Variants in KIAA1217 observed in about 807,000 individuals in gnomAD.
KIAA1217 encodes KIAA1217.
A neutral mutation model predicts 163.9 loss-of-function variants in KIAA1217; 88 were observed. The observed-to-expected ratio is 0.54, with a 90% confidence interval of 0.45 to 0.64. KIAA1217 has a LOEUF of 0.64. KIAA1217 is among the 30% of genes least tolerant of loss of function. The pLI is 0.00. For missense variants in KIAA1217, 2,372 were observed against 2,475.0 expected, an observed-to-expected ratio of 0.96 and a Z score of 0.88; for synonymous variants, 903 against 923.1, an observed-to-expected ratio of 0.98 and a Z score of 0.39.
At chr10:24,079,921 C>T (rs1425463052) in intron 2 of KIAA1217, among the ~76,000 whole-genome samples, 1 of 152,174 alleles carries the variant, frequency 6.6e-6, no homozygotes, top group African/African-American at 2.4e-5. Flanking sequence ...CCTGGCACAT[C>T]CAAGACTGGC....
intron 2 of KIAA1217, among the ~76,000 whole-genome samples, chr10:24,340,917 T>C (rs2047008437): frequency 6.6e-6 from 1 of 152,218 alleles, no homozygotes; most frequent in South Asian, 2.1e-4. Flanking sequence ...GGAATATTCT[T>C]TGAATGTGTG....
At chr10:24,175,268 T>G (rs188435535) in intron 2 of KIAA1217, among the ~76,000 whole-genome samples, 29 of 152,346 alleles carry the variant, frequency 1.9e-4, no homozygotes, top group Non-Finnish European at 2.9e-5. Context: ...TAGCTCCTTA[T>G]AGTTTAGCAT....
chr10:24,196,794 G>T (rs894619102), intron 2 of KIAA1217, among the ~76,000 whole-genome samples: 1 of 152,198 alleles, frequency 6.6e-6, no homozygotes, highest in African/African-American at 2.4e-5. Flanking sequence ...GGTGCGTAGA[G>T]ACAGGGCCGA....
At chr10:24,489,838 T>C (rs1429758497) in intron 6 of KIAA1217, among the ~76,000 whole-genome samples, 2 of 112,468 alleles carry the variant, frequency 1.8e-5, no homozygotes, top group Non-Finnish European at 3.3e-5. Flanking sequence ...TATTCCAGCC[T>C]GGGAACAGAG....
intron 1 of KIAA1217, among the ~76,000 whole-genome samples, chr10:23,971,150 G>A (rs1845298649): frequency 6.6e-6 from 1 of 152,168 alleles, no homozygotes; most frequent in East Asian, 1.9e-4. Context: ...ACAGTGGCCT[G>A]CCCGCCCTTG....
intron 1 of KIAA1217, among the ~76,000 whole-genome samples, chr10:23,917,498 G>A: frequency 6.6e-6 from 1 of 152,214 alleles, no homozygotes; most frequent in Non-Finnish European, 1.5e-5. Context: ...GACTGATGTG[G>A]GAGCAGCGGC....
At chr10:23,849,344 G>C (rs554329419) in intron 1 of KIAA1217, among the ~76,000 whole-genome samples, 1 of 152,188 alleles carries the variant, frequency 6.6e-6, no homozygotes, top group Non-Finnish European at 1.5e-5. Context: ...GGATGTAGCA[G>C]AGCTTCAATA....
intron 1 of KIAA1217, among the ~76,000 whole-genome samples, chr10:23,955,215 C>T (rs1292352785): frequency 6.6e-6 from 1 of 152,192 alleles, no homozygotes; most frequent in South Asian, 2.1e-4. Context: ...TGACTGGCTC[C>T]AGAGTCCAAG....
At chr10:24,196,385 A>G (rs1360018352) in intron 2 of KIAA1217, among the ~76,000 whole-genome samples, 1 of 152,162 alleles carries the variant, frequency 6.6e-6, no homozygotes, top group African/African-American at 2.4e-5. Flanking sequence ...AATTTTCCTG[A>G]TTTCTGTTTT....
intron 1 of KIAA1217, among the ~76,000 whole-genome samples, chr10:23,772,281 T>C (rs767760281): frequency 6.6e-6 from 1 of 152,238 alleles, no homozygotes; most frequent in Non-Finnish European, 1.5e-5. Flanking sequence ...AAAATTTTTA[T>C]GCATTAGACT....
At chr10:23,740,844 C>T (rs553205664) in intron 1 of KIAA1217, among the ~76,000 whole-genome samples, 3 of 152,172 alleles carry the variant, frequency 2.0e-5, no homozygotes, top group Admixed American at 6.5e-5. Flanking sequence ...AGGAGAATTG[C>T]TTGAACCAGG....
intron 2 of KIAA1217, among the ~76,000 whole-genome samples, chr10:24,102,130 A>C (rs931498188): frequency 6.6e-6 from 1 of 152,218 alleles, no homozygotes; most frequent in Non-Finnish European, 1.5e-5. Context: ...TGACATGATT[A>C]TCTACATAGA....
chr10:24,130,298 T>C (rs1285244627), intron 2 of KIAA1217, among the ~76,000 whole-genome samples: 1 of 152,196 alleles, frequency 6.6e-6, no homozygotes, highest in East Asian at 1.9e-4. Flanking sequence ...TAGCTTCAAA[T>C]GTATTATATA....
chr10:24,165,924 T>G (rs1564778635), intron 2 of KIAA1217, among the ~76,000 whole-genome samples: 1 of 152,142 alleles, frequency 6.6e-6, no homozygotes, highest in Non-Finnish European at 1.5e-5. Context: ...GTGGCCAAGG[T>G]GACAAGACAG....
At chr10:24,353,328 A>G (rs1258775989) in intron 2 of KIAA1217, among the ~76,000 whole-genome samples, 3 of 152,186 alleles carry the variant, frequency 2.0e-5, no homozygotes, top group Non-Finnish European at 4.4e-5. Context: ...TCTTTCAAAC[A>G]TATTTCTCAT....
intron 1 of KIAA1217, among the ~76,000 whole-genome samples, chr10:23,779,549 C>A (rs1835163389): frequency 6.6e-6 from 1 of 152,170 alleles, no homozygotes; most frequent in Non-Finnish European, 1.5e-5. Context: ...ACCACAAATT[C>A]TACGATGAAC....
chr10:23,878,812 T>G (rs1232402909), intron 1 of KIAA1217, among the ~76,000 whole-genome samples: 1 of 151,828 alleles, frequency 6.6e-6, no homozygotes, highest in Admixed American at 6.6e-5. Context: ...CTCAAACTAT[T>G]TTGGAGGTAG....
chr10:24,543,808 C>T lies in KIAA1217; in HGVS notation c.4538C>T (p.Thr1513Ile). ...AAGGTGGCCCCAGGCAATCTTAGAA[C>T]CGGACAACAGGTGGAAACAAAGTCA... Reference protein sequence around the residue: ...HKKVAPGNLRTGQQVETKSQP... With the variant: ...HKKVAPGNLRIGQQVETKSQP... The change falls in exon 19 of 21, where the codon ACC (threonine) becomes ATC (isoleucine). Residue 1513 changes from threonine (T) to isoleucine (I), a missense_variant. Physicochemically the swap from Thr to Ile is moderately conservative, Grantham distance 89. Transcript: ENST00000376454. 1 of 1,613,870 alleles carries T rather than the reference C, an allele frequency of 6.2e-7. No homozygotes were observed. Among genetic ancestry groups the T allele is most frequent in the Non-Finnish European group, 8.5e-7 (1 of 1,179,958 alleles).
intron 2 of KIAA1217, among the ~76,000 whole-genome samples, chr10:24,350,711 A>C (rs1591216465): frequency 6.6e-6 from 1 of 152,094 alleles, no homozygotes; most frequent in East Asian, 1.9e-4. Context: ...TTTCCTCTGG[A>C]GTCTACAAGT....
Sources: gnomAD v4.1 joint callset for allele counts (sites outside exome capture counted in the v4.1 genomes callset) on GRCh38, gnomAD v4.1.1 for gene constraint, MANE v1.5 for transcripts, NCBI Gene and HGNC (gene_info 2026-07-23, HGNC 2026-07-21) for gene names.